SUPT6H: variants seen among roughly 807,000 people sequenced by gnomAD.
SUPT6H encodes the protein SPT6 homolog, histone chaperone and transcription elongation factor.
In SUPT6H, 11 loss-of-function variants were observed where a neutral mutation model predicts 222.3. The observed-to-expected ratio is 0.05, with a 90% CI of 0.03 to 0.08. The LOEUF is 0.08. Ranked by LOEUF, SUPT6H falls within the 10% of genes least tolerant of loss-of-function variation. The probability of loss-of-function intolerance (pLI) is 1.00; values close to 1 mark genes in which losing one functional copy is unlikely to be tolerated. For synonymous variants in SUPT6H, 762 were observed against 801.2 expected (o/e 0.95, Z 0.83); for missense variants, 1,422 against 2,216.0 (o/e 0.64, Z 7.19).
At chr17:28,683,937 G>C (rs2031251835) in intron 17 of SUPT6H, 121 bp downstream of exon 17, 1 of 864,712 alleles carries the variant, frequency 1.2e-6, no homozygotes, top group Non-Finnish European at 1.7e-6. Context: ...CTAGGTTGAT[G>C]CCATTCTCCT....
intron 6 of SUPT6H, among the ~76,000 whole-genome samples, chr17:28,675,885 C>T (rs1484015958): frequency 6.6e-6 from 1 of 152,164 alleles, no homozygotes; most frequent in African/African-American, 2.4e-5. Context: ...AAGATGGGTC[C>T]ACTGAGCAAG....
intron 29 of SUPT6H, among the ~76,000 whole-genome samples, chr17:28,696,521 G>A (rs1211963763): frequency 6.8e-6 from 1 of 147,152 alleles, no homozygotes; most frequent in African/African-American, 2.5e-5. Flanking sequence ...CTAGGAGGGA[G>A]AAGTTGCAGT....
intron 1 of SUPT6H, among the ~76,000 whole-genome samples, chr17:28,663,363 A>G (rs992722145): frequency 1.3e-5 from 2 of 152,110 alleles, no homozygotes; most frequent in Admixed American, 6.5e-5. Flanking sequence ...TGTGGCTGCT[A>G]GATTGGATTA....
Position 28,691,849 on chromosome 17 carries a change from C to CA in SUPT6H, c.3633+801dup, listed in dbSNP as rs1198311501. ...TGGGCGAAAGAGCGAGACTCCGTCT[C>CA]AAAAAAAAAAAAAAAGAAACTTCTT... On this transcript the variant is annotated intron_variant, in intron 27 of 36. Transcript: ENST00000314616. 6.7e-3 allele frequency: 535 copies of CA among 79,924 alleles called. 4 individuals are homozygous for CA. The highest frequency in any genetic ancestry group is 0.024 in the Middle Eastern group (3 of 124). The allele number at this position is 79,924 out of a possible 1,614,324, so 5.0% of individuals were successfully genotyped here.
At chr17:28,696,805 C>G (rs367744943) in intron 29 of SUPT6H, 39 bp from the exon 30 acceptor site, 45 of 1,585,398 alleles carry the variant, frequency 2.8e-5, no homozygotes, top group Non-Finnish European at 3.7e-5. Context: ...AGCTCCTAGC[C>G]CCATCACCCA....
intron 30 of SUPT6H, 148 bp from the exon 31 acceptor site, chr17:28,697,472 A>G (rs974003083): frequency 1.7e-5 from 11 of 656,254 alleles, no homozygotes; most frequent in Non-Finnish European, 3.0e-5. Flanking sequence ...GAGCTAATAT[A>G]TCTGGACATG....
Position 28,674,722 on chromosome 17 carries a change from A to C in SUPT6H, c.345+109A>C, listed in dbSNP as rs919710684. 6 of 1,064,594 alleles carry C rather than the reference A, an allele frequency of 5.6e-6. No individual in the cohort carries two copies. The African/African-American group carries it at 7.8e-5, about 14-fold the overall frequency. The allele number at this position is 1,064,594 out of a possible 1,614,324, so 65.9% of individuals were successfully genotyped here. ...CGCAGGACAGTTTGGAGAACATTAG[A>C]GCACGGTGTTCGGTATCATTGTACT... On this transcript the variant is annotated intron_variant, in intron 4 of 36. Coordinates refer to ENST00000314616, the MANE Select transcript of SUPT6H (RefSeq NM_003170.5).
chr17:28,677,699 G>T lies in SUPT6H; in HGVS notation c.898-16G>T, dbSNP rs777389751. ...AAGATAAAGTCCGTCTCACCCTGTTGTCTTATCCACTCCAGCTCCGCTCCA... is the reference window on the plus strand; with the variant it reads ...AAGATAAAGTCCGTCTCACCCTGTTTTCTTATCCACTCCAGCTCCGCTCCA... On this transcript the variant is annotated splice_polypyrimidine_tract_variant and intron_variant, in intron 7 of 36. Coordinates refer to ENST00000314616, the MANE Select transcript of SUPT6H (RefSeq NM_003170.5). 1 of 1,602,268 alleles carries T rather than the reference G, an allele frequency of 6.2e-7. No individual in the cohort carries two copies. The highest frequency in any genetic ancestry group is 8.5e-7 in the Non-Finnish European group (1 of 1,170,194).
intron 1 of SUPT6H, among the ~76,000 whole-genome samples, chr17:28,666,268 C>G (rs1300337090): frequency 6.6e-6 from 1 of 152,240 alleles, no homozygotes; most frequent in Non-Finnish European, 1.5e-5. Context: ...TCAGGGGTCA[C>G]AAACTAAGGC....
intron 1 of SUPT6H, 120 bp downstream of exon 1, chr17:28,662,462 C>T (rs2072073401): frequency 6.5e-6 from 1 of 152,778 alleles, no homozygotes; most frequent in Non-Finnish European, 1.5e-5. Flanking sequence ...AAGGGGGAGC[C>T]TGGCCTTCCC....
At chr17:28,692,981 A>G (rs2031738265) in intron 27 of SUPT6H, among the ~76,000 whole-genome samples, 2 of 149,106 alleles carry the variant, frequency 1.3e-5, no homozygotes, top group Admixed American at 1.3e-4. Flanking sequence ...AGCCTGGGCA[A>G]CAGAGCAAGA....
intron 7 of SUPT6H, among the ~76,000 whole-genome samples, chr17:28,677,091 G>C (rs755441523): frequency 2.8e-4 from 43 of 151,814 alleles, no homozygotes; most frequent in Non-Finnish European, 5.1e-4. Context: ...TTAGCTGGGC[G>C]GCCAGGCACG....
At position 28,686,431 on chromosome 17, in the gene SUPT6H, A is replaced by C; in HGVS notation, c.2564+16A>C. 1 of 1,612,914 alleles carries C rather than the reference A, an allele frequency of 6.2e-7. No individual in the cohort carries two copies. The highest frequency in any genetic ancestry group is 8.5e-7 in the Non-Finnish European group (1 of 1,178,988). On this transcript the variant is annotated intron_variant, in intron 20 of 36. Transcript: ENST00000314616. ...GAGAGAACAGGTAGGTAGGGATTAG[A>C]CCACACCTGGTTTAAGGCCGTGACC...
Position 28,674,284 on chromosome 17 carries a change from T to TGAG in SUPT6H, c.127_129dup (p.Glu43dup), listed in dbSNP as rs749059738. 1.3e-5 allele frequency: 21 copies of TGAG among 1,612,994 alleles called. No homozygotes were observed. Among genetic ancestry groups the TGAG allele is most frequent in the Admixed American group, 5.0e-5 (3 of 59,954 alleles). On this transcript the variant is annotated inframe_insertion and splice_region_variant, in exon 3 of 37. Coordinates refer to ENST00000314616, the MANE Select transcript of SUPT6H (RefSeq NM_003170.5). ...GCCTCAAACATGCATGTCTTCCAGA[T>TGAG]GAGGAGGAGGAGGAGGAGAACCTAG...
intron 13 of SUPT6H, chr17:28,682,234 C>T (rs2031152300): frequency 2.3e-6 from 1 of 429,480 alleles, no homozygotes; most frequent in South Asian, 3.5e-5. Flanking sequence ...TCCAGTCTGT[C>T]TGTTTCTTCT....
Position 28,696,809 on chromosome 17 carries a change from T to C in SUPT6H, c.3971-35T>C, listed in dbSNP as rs1597720199. ...CTGTTGCTGCCAGCTCCTAGCCCCA[T>C]CACCCAGTCTGTACTGCTTTTCTGC... On this transcript the variant is annotated intron_variant, in intron 29 of 36. Coordinates refer to ENST00000314616, the MANE Select transcript of SUPT6H (RefSeq NM_003170.5). 6 of 1,596,156 alleles carry C rather than the reference T, an allele frequency of 3.8e-6. No homozygotes were observed. In the African/African-American group the frequency reaches 8.0e-5, roughly 21 times the overall value.
intron 11 of SUPT6H, among the ~76,000 whole-genome samples, chr17:28,680,837 C>A (rs112642640): frequency 6.6e-6 from 1 of 151,974 alleles, no homozygotes; most frequent in Admixed American, 6.6e-5. Flanking sequence ...TTAGTAGAGA[C>A]GGGGTTTCAC....
At position 28,697,979 on chromosome 17, in the gene SUPT6H, A is replaced by G. The variant is rs2031995070; in HGVS notation, c.4397A>G (p.Lys1466Arg). ...ATCCCTTATTTCATCTGTGCCTGCA[A>G]GGAACTGCCCGGCAAGTTCCTACTG... ...TFIPYFICAC[K>R]ELPGKFLLGY... The change falls in exon 32 of 37, where the codon AAG becomes AGG. Residue 1466 changes from lysine (K) to arginine (R), a missense_variant. By Grantham distance (26) the Lys-to-Arg change is conservative. Around this residue, in one of 13 missense-constraint regions of SUPT6H, gnomAD observed 395 missense variants for 580.6 expected, o/e 0.68. Transcript: ENST00000314616. 2 of 1,613,678 alleles carry G rather than the reference A, an allele frequency of 1.2e-6. No individual in the cohort carries two copies. The highest frequency in any genetic ancestry group is 1.1e-5 in the South Asian group (1 of 91,090).
chr17:28,677,924 A>G, intron 8 of SUPT6H, 108 bp downstream of exon 8: 8 of 1,312,890 alleles, frequency 6.1e-6, no homozygotes, highest in Non-Finnish European at 8.7e-6. Flanking sequence ...GTATTAGAAA[A>G]CTGTGTGTAT....
Sources: gnomAD v4.1 joint callset for allele counts (sites outside exome capture counted in the v4.1 genomes callset) on GRCh38, gnomAD v4.1.1 for gene constraint, gnomAD v4.1.1 regional missense constraint, MANE v1.5 for transcripts, NCBI Gene and HGNC (gene_info 2026-07-23, HGNC 2026-07-21) for gene names.